PKHD1L1: variants seen among roughly 807,000 people sequenced by gnomAD.
The protein encoded by PKHD1L1 is PKHD1 like 1, also known as fibrocystin-L.
In PKHD1L1, 434 loss-of-function variants were observed where a neutral mutation model predicts 462.9. The ratio of observed to expected loss-of-function variants is 0.94; its 90% CI spans 0.87 to 1.02. The LOEUF (loss-of-function observed/expected upper bound fraction) is 1.02, where lower values mean the gene tolerates loss of function less well. PKHD1L1 is among the 50% of genes least tolerant of loss of function. The pLI, the probability that PKHD1L1 is intolerant of heterozygous loss-of-function variation, is 0.00. For synonymous variants in PKHD1L1, 1,781 were observed against 1,750.0 expected (o/e 1.02, Z -0.44); for missense variants, 5,202 against 5,096.1 (o/e 1.02, Z -0.63).
chr8:109,451,502 C>T (rs1438864799), intron 41 of PKHD1L1, among the ~76,000 whole-genome samples: 1 of 152,176 alleles, frequency 6.6e-6, no homozygotes, highest in Non-Finnish European at 1.5e-5. Flanking sequence ...ATCATCTTAT[C>T]TCCAGCCATG....
At chr8:109,420,789 C>A in intron 23 of PKHD1L1, 99 bp downstream of exon 23, 2 of 942,306 alleles carry the variant, frequency 2.1e-6, no homozygotes, top group Non-Finnish European at 3.0e-6. Flanking sequence ...CAGGAAAAGA[C>A]AGCTAACTAT....
rs2130850185 is a variant in PKHD1L1, at chr8:109,469,593, T to C, written c.8605+2824T>C. On this transcript the variant is annotated intron_variant, in intron 50 of 77. Coordinates refer to ENST00000378402, the MANE Select transcript of PKHD1L1 (RefSeq NM_177531.6). The stretch of plus-strand genomic sequence containing the variant: ...AGAAAACCTAAGTGTGCAGTGCCAC[T>C]TCCATCATTCCTTATGATGATATAA... Among the ~76,000 whole-genome samples, 3 of 152,324 alleles carry C rather than the reference T, an allele frequency of 2.0e-5. No individual in the cohort carries two copies. In the South Asian group the frequency reaches 6.2e-4, roughly 32 times the overall value.
chr8:109,482,431 A>G (rs1376662420), intron 56 of PKHD1L1, among the ~76,000 whole-genome samples: 1 of 151,776 alleles, frequency 6.6e-6, no homozygotes, highest in East Asian at 1.9e-4. Flanking sequence ...TCTTTTAAGG[A>G]CACTAGAATT....
chr8:109,484,749 G>T (rs963760695), intron 57 of PKHD1L1, among the ~76,000 whole-genome samples: 1 of 151,886 alleles, frequency 6.6e-6, no homozygotes, highest in Admixed American at 6.6e-5. Flanking sequence ...TAATAAAAAT[G>T]TGAATATGTT....
At chr8:109,415,274 G>A (rs1047529780) in intron 21 of PKHD1L1, among the ~76,000 whole-genome samples, 1 of 151,912 alleles carries the variant, frequency 6.6e-6, no homozygotes, top group African/African-American at 2.4e-5. Context: ...CCAAAGTCCT[G>A]GGATTACAGG....
At chr8:109,510,689 A>C in intron 70 of PKHD1L1, 88 bp from the exon 71 acceptor site, 1 of 1,457,298 alleles carries the variant, frequency 6.9e-7, no homozygotes, top group Non-Finnish European at 9.2e-7. Flanking sequence ...GACCACTGCA[A>C]TTTATTTTTA....
intron 50 of PKHD1L1, among the ~76,000 whole-genome samples, chr8:109,469,385 G>A (rs1221133439): frequency 6.6e-6 from 1 of 152,136 alleles, no homozygotes; most frequent in Non-Finnish European, 1.5e-5. Context: ...TTGGTTGAGA[G>A]ATACAAGAGC....
intron 11 of PKHD1L1, 34 bp downstream of exon 11, chr8:109,396,171 T>C: frequency 7.0e-7 from 1 of 1,434,336 alleles, no homozygotes; most frequent in Middle Eastern, 1.7e-4. Context: ...ATTACTTTAT[T>C]ACCACAAATT....
Position 109,400,192 on chromosome 8 carries a change from G to A in PKHD1L1, c.1129G>A (p.Ala377Thr). Residue 377 changes from alanine to threonine, a missense_variant, in exon 13 of 78, where the codon GCT becomes ACT. Transcript: ENST00000378402. ...CATGGGTGCCAGTTGGGTAGATTCA[G>A]CTTCCTATATTTGGCTCATGGAACA... is the stretch of plus-strand genomic sequence containing the variant. ...GYMGASWVDS[A>T]SYIWLMEQDT... 6.2e-7 allele frequency: 1 copy of A among 1,613,698 alleles called. No individual in the cohort carries two copies. Among genetic ancestry groups the A allele is most frequent in the Non-Finnish European group, 8.5e-7 (1 of 1,179,684 alleles).
At position 109,497,030 on chromosome 8, in the gene PKHD1L1, C is replaced by A; in HGVS notation, c.10439C>A (p.Thr3480Asn). ...GGATGTTCTCTTATACAAGGATTTA[C>A]CATTTGGACATGCTGGGATTATGGA... ...LPGCSLIQGF[T>N]IWTCWDYGIY... The change falls in exon 64 of 78, where the codon ACC becomes AAC. Residue 3480 changes from threonine to asparagine, a missense_variant. Thr to Asn is a moderately conservative substitution (Grantham distance 65, BLOSUM62 0). Around this residue, in one of 3 missense-constraint regions of PKHD1L1, gnomAD observed 4,497 missense variants for 4,336.8 expected, o/e 1.04. Transcript: ENST00000378402. 1 of 1,613,504 alleles carries A rather than the reference C, an allele frequency of 6.2e-7. No individual in the cohort carries two copies. The highest frequency in any genetic ancestry group is 8.5e-7 in the Non-Finnish European group (1 of 1,179,582).
intron 73 of PKHD1L1, among the ~76,000 whole-genome samples, chr8:109,520,612 C>T (rs957919528): frequency 6.6e-6 from 1 of 152,122 alleles, no homozygotes. Context: ...TCAAGGAGAA[C>T]CCTACAACTT....
In PKHD1L1 at chr8:109,523,343, C is replaced by T. The variant is rs556719570; in HGVS notation, c.12441C>T (p.Ser4147=). 41 of 1,613,042 alleles carry T rather than the reference C, an allele frequency of 2.5e-5. No homozygotes were observed. Among genetic ancestry groups the T allele is most frequent in the Admixed American group, 1.8e-4 (11 of 59,904 alleles). The change falls in exon 76 of 78, where the codon AGC becomes AGT. Residue 4147 remains serine, a synonymous_variant. Coordinates refer to ENST00000378402, the MANE Select transcript of PKHD1L1 (RefSeq NM_177531.6). ...GTGGAAATACAACAATTCCGTTTAG[C>T]AGCTGTTGGGCCAACTACACAGACC... ...GLSGNTTIPF[S]SCWANYTDLT...
intron 76 of PKHD1L1, among the ~76,000 whole-genome samples, chr8:109,523,692 A>C (rs1236669525): frequency 6.6e-6 from 1 of 152,202 alleles, no homozygotes; most frequent in East Asian, 1.9e-4. Flanking sequence ...ATTAACATAC[A>C]GATTTTCAAA....
At chr8:109,377,955 A>G (rs2130388842) in intron 2 of PKHD1L1, among the ~76,000 whole-genome samples, 1 of 152,316 alleles carries the variant, frequency 6.6e-6, no homozygotes. Flanking sequence ...GAAAGATTAA[A>G]GTAATTTTTG....
At chr8:109,504,582 A>G (rs545800735) in intron 68 of PKHD1L1, 90 bp downstream of exon 68, 3 of 727,680 alleles carry the variant, frequency 4.1e-6, no homozygotes, top group Middle Eastern at 2.7e-4. Flanking sequence ...TTGGCATATT[A>G]AAATAACTGC....
At position 109,443,694 on chromosome 8, in the gene PKHD1L1, A is replaced by G. The variant is rs1249703973; in HGVS notation, c.4583A>G (p.His1528Arg). ...TYAYGGPENL[H>R]LGSSVAGCLA... is the part of the protein sequence containing the mutation. ...TCTAAAGGAGGACCTGAGAATTTGC[A>G]CTTGGGAAGCTCTGTGGCAGGCTGC... The change falls in exon 37 of 78, where the codon CAC becomes CGC. Residue 1528 changes from histidine (H) to arginine (R), a missense_variant. Around this residue, in one of 3 missense-constraint regions of PKHD1L1, gnomAD observed 4,497 missense variants for 4,336.8 expected, o/e 1.04. Transcript: ENST00000378402. 1 of 1,612,300 alleles carries G rather than the reference A, an allele frequency of 6.2e-7. No individual in the cohort carries two copies. Among genetic ancestry groups the G allele is most frequent in the East Asian group, 2.2e-5 (1 of 44,850 alleles).
Position 109,398,511 on chromosome 8 carries a change from A to AC in PKHD1L1, c.981dup (p.Lys328GlnfsTer18), listed in dbSNP as rs778197289. On this transcript the variant is annotated frameshift_variant, in exon 12 of 78. Transcript: ENST00000378402. LOFTEE classifies it high-confidence loss of function. ...CAGAAAATAGTATATGTTGCAAGAC[A>AC]CCCCCCAAACCTCATATTCTCAAAA... 19 of 1,573,312 alleles carry AC rather than the reference A, an allele frequency of 1.2e-5. No homozygotes were observed. The highest frequency in any genetic ancestry group is 2.3e-5 in the East Asian group (1 of 43,718).
chr8:109,460,136 T>A (rs1440073717), intron 47 of PKHD1L1, among the ~76,000 whole-genome samples: 1 of 152,110 alleles, frequency 6.6e-6, no homozygotes, highest in Non-Finnish European at 1.5e-5. Context: ...GTTGATAAAT[T>A]ATCTTCCTAT....
intron 68 of PKHD1L1, among the ~76,000 whole-genome samples, chr8:109,506,207 T>G (rs998251841): frequency 5.3e-5 from 8 of 152,190 alleles, no homozygotes; most frequent in African/African-American, 1.9e-4. Flanking sequence ...CTCCCAGATC[T>G]TTAGGGGCAG....
Sources: allele counts gnomAD v4.1 joint callset (sites outside exome capture counted in the v4.1 genomes callset), GRCh38; gene constraint gnomAD v4.1.1; regional missense constraint gnomAD v4.1.1; transcripts MANE v1.5; gene names NCBI Gene and HGNC (gene_info 2026-07-23, HGNC 2026-07-21).